Variants in CCSER1 observed in about 807,000 individuals in gnomAD.
The protein encoded by CCSER1 is serine-rich coiled-coil domain-containing protein 1.
CCSER1 carries 41 observed loss-of-function variants against 82.0 expected under a neutral mutation model. The ratio of observed to expected loss-of-function variants is 0.50; its 90% CI spans 0.39 to 0.65. The LOEUF (loss-of-function observed/expected upper bound fraction) is 0.65. Among genes scored for constraint, CCSER1 ranks in the 30% least tolerant of loss-of-function variants. The probability of loss-of-function intolerance (pLI) is 0.00; values close to 1 mark genes in which losing one functional copy is unlikely to be tolerated. For missense variants in CCSER1, 1,119 were observed against 1,064.2 expected (o/e 1.05, Z -0.72); for synonymous variants, 414 against 383.9 (o/e 1.08, Z -0.92).
intron 5 of CCSER1, among the ~76,000 whole-genome samples, chr4:90,545,959 A>G (rs17828836): frequency 0.039 from 5,968 of 152,232 alleles, 141 homozygotes; most frequent in Middle Eastern, 0.1. Context: ...CAGAGGAACA[A>G]CAATAGGTAA....
At chr4:90,456,404 G>A (rs1241610703) in intron 4 of CCSER1, among the ~76,000 whole-genome samples, 3 of 152,120 alleles carry the variant, frequency 2.0e-5, no homozygotes, top group East Asian at 1.9e-4. Context: ...TAGGAGCCAC[G>A]ACAACCTTGA....
chr4:91,052,617 A>G (rs1332169889), intron 9 of CCSER1, among the ~76,000 whole-genome samples: 1 of 152,116 alleles, frequency 6.6e-6, no homozygotes, highest in Non-Finnish European at 1.5e-5. Context: ...TCTAGAGATA[A>G]TATTTAAAGG....
At chr4:90,187,336 G>A (rs1314562078) in intron 1 of CCSER1, among the ~76,000 whole-genome samples, 1 of 149,232 alleles carries the variant, frequency 6.7e-6, no homozygotes, top group Non-Finnish European at 1.5e-5. Context: ...TGACATTGTA[G>A]ATTTGATAAA....
At chr4:90,954,338 TAG>T (rs2150360359) in intron 9 of CCSER1, among the ~76,000 whole-genome samples, 1 of 152,208 alleles carries the variant, frequency 6.6e-6, no homozygotes, top group East Asian at 1.9e-4. Flanking sequence ...ATGAACATTT[TAG>T]TAGTTAACAT....
At chr4:91,291,418 A>C (rs1743733664) in intron 10 of CCSER1, among the ~76,000 whole-genome samples, 1 of 151,984 alleles carries the variant, frequency 6.6e-6, no homozygotes, top group African/African-American at 2.4e-5. Context: ...AGACTGGGGA[A>C]TTTATAAAGA....
At chr4:91,054,482 C>CT (rs1229786460) in intron 9 of CCSER1, among the ~76,000 whole-genome samples, 3 of 151,746 alleles carry the variant, frequency 2.0e-5, no homozygotes, top group African/African-American at 7.3e-5. Context: ...CTTTTTTAAT[C>CT]TTTTTTTGAT....
intron 10 of CCSER1, among the ~76,000 whole-genome samples, chr4:91,538,194 G>T (rs1578730034): frequency 6.6e-6 from 1 of 151,930 alleles, no homozygotes; most frequent in Admixed American, 6.6e-5. Context: ...GTATGTATGA[G>T]GAATGAGCAA....
At chr4:90,718,929 G>A (rs188652300) in intron 6 of CCSER1, among the ~76,000 whole-genome samples, 156 of 152,190 alleles carry the variant, frequency 1.0e-3, no homozygotes, top group African/African-American at 2.8e-3. Flanking sequence ...CATCATTGGT[G>A]CATTACTATT....
At chr4:90,891,765 A>G (rs1482256655) in intron 8 of CCSER1, among the ~76,000 whole-genome samples, 1 of 152,090 alleles carries the variant, frequency 6.6e-6, no homozygotes, top group Non-Finnish European at 1.5e-5. Flanking sequence ...TTTATGTGAA[A>G]AAAGTGTAAG....
chr4:91,560,475 C>T (rs1252322886), intron 10 of CCSER1, among the ~76,000 whole-genome samples: 2 of 151,368 alleles, frequency 1.3e-5, no homozygotes, highest in Non-Finnish European at 3.0e-5. Flanking sequence ...TAAAACAAAA[C>T]AATTTTCTCC....
chr4:90,618,081 T>C (rs1721631755), intron 5 of CCSER1, among the ~76,000 whole-genome samples: 1 of 151,476 alleles, frequency 6.6e-6, no homozygotes, highest in Non-Finnish European at 1.5e-5. Context: ...ACTTTTAGAA[T>C]GGAATGTATG....
At chr4:91,330,692 G>T (rs1334043152) in intron 10 of CCSER1, among the ~76,000 whole-genome samples, 1 of 152,080 alleles carries the variant, frequency 6.6e-6, no homozygotes, top group Non-Finnish European at 1.5e-5. Flanking sequence ...AATTGCCCTG[G>T]AGAAGTAGTG....
chr4:90,819,177 A>T (rs1400058290), intron 8 of CCSER1, among the ~76,000 whole-genome samples: 1 of 152,112 alleles, frequency 6.6e-6, no homozygotes, highest in Non-Finnish European at 1.5e-5. Flanking sequence ...GAGAAGAGGG[A>T]GAAAGAGAGA....
At chr4:91,514,281 G>A (rs1157359136) in intron 10 of CCSER1, among the ~76,000 whole-genome samples, 1 of 152,032 alleles carries the variant, frequency 6.6e-6, no homozygotes, top group Non-Finnish European at 1.5e-5. Context: ...AATTTTCTGG[G>A]TATTGATTTC....
chr4:91,579,282 T>C (rs981394689), intron 10 of CCSER1, among the ~76,000 whole-genome samples: 8 of 151,774 alleles, frequency 5.3e-5, no homozygotes, highest in Admixed American at 2.0e-4. Flanking sequence ...GTTTGTTGTA[T>C]GGACCAATTC....
intron 7 of CCSER1, among the ~76,000 whole-genome samples, chr4:90,765,510 T>G (rs1751087399): frequency 6.6e-6 from 1 of 152,172 alleles, no homozygotes; most frequent in Admixed American, 6.6e-5. Context: ...AAAACCTATT[T>G]AGGATTGCAT....
chr4:90,999,840 T>G (rs1737838791), intron 9 of CCSER1, among the ~76,000 whole-genome samples: 1 of 151,430 alleles, frequency 6.6e-6, no homozygotes. Context: ...AATCATAAAT[T>G]TTTTTCTCAA....
intron 10 of CCSER1, among the ~76,000 whole-genome samples, chr4:91,393,566 G>A (rs143033466): frequency 1.1e-4 from 16 of 152,104 alleles, no homozygotes; most frequent in Non-Finnish European, 2.1e-4. Flanking sequence ...ATGGATATTC[G>A]TTGTCAATCT....
intron 8 of CCSER1, among the ~76,000 whole-genome samples, chr4:90,870,317 T>TA (rs1766300012): frequency 6.6e-6 from 1 of 151,966 alleles, no homozygotes; most frequent in Non-Finnish European, 1.5e-5. Context: ...CTATGATAAC[T>TA]AGCTGTGGGT....
Sources: allele counts gnomAD v4.1 joint callset (sites outside exome capture counted in the v4.1 genomes callset), GRCh38; gene constraint gnomAD v4.1.1; transcripts MANE v1.5; gene names NCBI Gene and HGNC (gene_info 2026-07-23, HGNC 2026-07-21).